Variants in PIK3C2A observed in about 807,000 individuals in gnomAD.
The protein encoded by PIK3C2A is phosphatidylinositol 4-phosphate 3-kinase C2 domain-containing subunit alpha.
PIK3C2A carries 97 observed loss-of-function variants against 204.5 expected under a neutral mutation model. The ratio of observed to expected loss-of-function variants is 0.47; its 90% CI spans 0.40 to 0.56. PIK3C2A has a LOEUF of 0.56. Among genes scored for constraint, PIK3C2A ranks in the 20% least tolerant of loss-of-function variants. PIK3C2A has a pLI of 0.00. For missense variants in PIK3C2A, 1,735 were observed against 1,969.2 expected, an observed-to-expected ratio of 0.88 and a Z score of 2.25; for synonymous variants, 653 against 664.4, an observed-to-expected ratio of 0.98 and a Z score of 0.26.
chr11:17,174,323 C>G (rs1333900191), intron 1 of PIK3C2A, among the ~76,000 whole-genome samples: 1 of 132,980 alleles, frequency 7.5e-6, no homozygotes, highest in Non-Finnish European at 1.6e-5. Context: ...CGCGGTGGCT[C>G]ACGCCTGTAA....
chr11:17,137,898 C>T (rs1849927660), intron 8 of PIK3C2A: 1 of 384,182 alleles, frequency 2.6e-6, no homozygotes, highest in Admixed American at 3.5e-5. Context: ...ATTAGGAAGA[C>T]ACTTCCCATC....
In PIK3C2A at chr11:17,102,821, T is replaced by C; in HGVS notation, c.3692A>G (p.Asn1231Ser). 1 of 1,585,234 alleles carries C rather than the reference T, an allele frequency of 6.3e-7. No individual in the cohort carries two copies. Among genetic ancestry groups the C allele is most frequent in the Non-Finnish European group, 8.6e-7 (1 of 1,167,244 alleles). ...SEEEYEKASE[N>S]FIYSCAGCCV... is the part of the protein sequence containing the mutation. ...GCATCCAGCACAGGAATAGATAAAG[T>C]TCTCTGAAGCCTATAAAAAACATAC... is the stretch of plus-strand genomic sequence containing the variant. The change falls in exon 24 of 33, where the codon AAC becomes AGC. Residue 1231 changes from asparagine to serine, a missense_variant. By Grantham distance (46) the Asn-to-Ser change is conservative (BLOSUM62 1). Coordinates refer to ENST00000691414, the MANE Select transcript of PIK3C2A (RefSeq NM_002645.4).
intron 1 of PIK3C2A, among the ~76,000 whole-genome samples, chr11:17,195,590 G>A (rs1852121265): frequency 6.6e-6 from 1 of 151,378 alleles, no homozygotes; most frequent in South Asian, 2.1e-4. Flanking sequence ...GCATGGTGGA[G>A]TGCACCACAT....
intron 21 of PIK3C2A, among the ~76,000 whole-genome samples, chr11:17,111,820 T>G (rs1288683259): frequency 7.3e-6 from 1 of 137,502 alleles, no homozygotes; most frequent in African/African-American, 2.8e-5. Flanking sequence ...AAGGTTGCAG[T>G]GAGCTGAGAT....
At position 17,098,349 on chromosome 11, in the gene PIK3C2A, AGAGAT is replaced by A. The variant is rs1848513854; in HGVS notation, c.4119-1090_4119-1086del. On this transcript the variant is annotated intron_variant, in intron 26 of 32. Transcript: ENST00000691414. ...ATCCAATAGGAGTGTCCGTCTAAGA[AGAGAT>A]GAGAGAGCTAGTTCTCCCTACCATG... Among the ~76,000 whole-genome samples, 3 of 152,342 alleles carry A rather than the reference AGAGAT, an allele frequency of 2.0e-5. No individual in the cohort carries two copies. The South Asian group carries it at 6.2e-4, about 32-fold the overall frequency.
At chr11:17,102,421 A>T (rs912671081) in intron 24 of PIK3C2A, among the ~76,000 whole-genome samples, 1 of 152,236 alleles carries the variant, frequency 6.6e-6, no homozygotes, top group Non-Finnish European at 1.5e-5. Flanking sequence ...TGGGCGACAC[A>T]GCAAGACTCC....
chr11:17,123,316 T>C (rs542196217), intron 13 of PIK3C2A, among the ~76,000 whole-genome samples: 6 of 152,036 alleles, frequency 3.9e-5, no homozygotes, highest in Admixed American at 1.3e-4. Flanking sequence ...AGCACAACTA[T>C]GGCTAAGTGC....
chr11:17,122,466 G>C (rs1424410442), intron 14 of PIK3C2A, 133 bp from the exon 15 acceptor site: 1 of 651,978 alleles, frequency 1.5e-6, no homozygotes, highest in Admixed American at 2.8e-5. Flanking sequence ...AATGCTTCTT[G>C]TTGCAATTGA....
chr11:17,106,677 A>C (rs1309892318), intron 22 of PIK3C2A, among the ~76,000 whole-genome samples: 1 of 152,146 alleles, frequency 6.6e-6, no homozygotes, highest in African/African-American at 2.4e-5. Flanking sequence ...CCCATCCTTC[A>C]GTGATCCGCC....
At chr11:17,097,344 C>T (rs1848484640) in intron 26 of PIK3C2A, 80 bp from the exon 27 acceptor site, 9 of 824,072 alleles carry the variant, frequency 1.1e-5, no homozygotes, top group Non-Finnish European at 1.8e-5. Flanking sequence ...TGACAAAAAC[C>T]ACTTTCATTC....
rs933182503 is a variant in PIK3C2A at position 17,089,203 on chromosome 11, T to C, written c.*535A>G. 2 of 152,258 alleles carry C rather than the reference T, an allele frequency of 1.3e-5. No homozygotes were observed. The highest frequency in any genetic ancestry group is 4.8e-5 in the African/African-American group (2 of 41,464). 9.4% of individuals were successfully genotyped at this position (152,258 alleles called of 1,614,324 possible). A position where few individuals can be genotyped will look rare whatever the true frequency, so the allele number is the denominator to read the frequency against. Reference sequence around the variant, plus strand: ...TGAATAAAAAGCAGTATTACGTTTTTCCCTACTTCTATAAACTACTTAGTA... The same window carrying C: ...TGAATAAAAAGCAGTATTACGTTTTCCCCTACTTCTATAAACTACTTAGTA... On this transcript the variant is annotated 3_prime_UTR_variant, in exon 33 of 33. Transcript: ENST00000691414.
intron 20 of PIK3C2A, among the ~76,000 whole-genome samples, chr11:17,113,537 T>C (rs114736518): frequency 0.057 from 8,679 of 152,090 alleles, 326 homozygotes; most frequent in Middle Eastern, 0.078. Context: ...TTTAAGACAG[T>C]GAGACCAGCT....
chr11:17,148,719 C>G lies in PIK3C2A; in HGVS notation c.1396G>C (p.Asp466His). The G allele has an allele frequency of 6.2e-7, 1 of 1,612,724 alleles. No homozygotes were observed. The highest frequency in any genetic ancestry group is 1.7e-4 in the Middle Eastern group (1 of 6,056). ...ACTTTTAGAACATAGCTGCCAACAT[C>G]TACTTGATTCAAGTCATCATGTACC... Reference protein sequence around the residue: ...CWVHDDLNQVDVGSYVLKVCG... With the variant: ...CWVHDDLNQVHVGSYVLKVCG... Residue 466 changes from aspartate to histidine, a missense_variant, in exon 5 of 33, where the codon GAT (aspartate) becomes CAT (histidine). Asp to His is a moderately conservative substitution (Grantham distance 81). Around this residue, in one of 6 missense-constraint regions of PIK3C2A, gnomAD observed 536 missense variants for 546.7 expected, o/e 0.98. Transcript: ENST00000691414.
intron 11 of PIK3C2A, 141 bp downstream of exon 11, chr11:17,134,678 T>C: frequency 3.1e-6 from 2 of 645,464 alleles, no homozygotes; most frequent in Non-Finnish European, 5.4e-6. Context: ...TTTTTTAAAA[T>C]TCTTTTTAGT....
At chr11:17,101,891 CTG>C (rs1848644847) in intron 24 of PIK3C2A, among the ~76,000 whole-genome samples, 4 of 152,036 alleles carry the variant, frequency 2.6e-5, no homozygotes, top group African/African-American at 4.8e-5. Context: ...GCGTGAGCCA[CTG>C]CACCCGGCCT....
At chr11:17,158,683 C>G (rs573747871) in intron 2 of PIK3C2A, among the ~76,000 whole-genome samples, 27 of 152,150 alleles carry the variant, frequency 1.8e-4, no homozygotes, top group African/African-American at 4.8e-4. Context: ...GCTGGGAAAA[C>G]CTAAAGCTTT....
intron 13 of PIK3C2A, 31 bp downstream of exon 13, chr11:17,129,269 T>G: frequency 6.3e-7 from 1 of 1,580,882 alleles, no homozygotes; most frequent in Non-Finnish European, 8.7e-7. Context: ...GTGTCCACAG[T>G]GACTCACCAT....
chr11:17,148,944 A>G (rs976227225), intron 4 of PIK3C2A, among the ~76,000 whole-genome samples, 157 bp from the exon 5 acceptor site: 1 of 152,220 alleles, frequency 6.6e-6, no homozygotes, highest in African/African-American at 2.4e-5. Context: ...TGCCACATTG[A>G]AAAAAGTAAA....
intron 1 of PIK3C2A, among the ~76,000 whole-genome samples, chr11:17,200,345 T>G (rs1852323137): frequency 6.6e-6 from 1 of 152,190 alleles, no homozygotes; most frequent in African/African-American, 2.4e-5. Context: ...GTGCAGGGTT[T>G]AAGGGATTTC....
Sources: allele counts gnomAD v4.1 joint callset (sites outside exome capture counted in the v4.1 genomes callset), GRCh38; gene constraint gnomAD v4.1.1; regional missense constraint gnomAD v4.1.1; transcripts MANE v1.5; gene names NCBI Gene and HGNC (gene_info 2026-07-23, HGNC 2026-07-21).